The following LIMK2 variants were observed in gnomAD, a reference collection of about 807,000 sequenced individuals.
The protein encoded by LIMK2 is LIM domain kinase 2.
In LIMK2, 35 loss-of-function variants were observed where a neutral mutation model predicts 75.7. The observed-to-expected ratio is 0.46, with a 90% CI of 0.35 to 0.61. LIMK2 has a LOEUF of 0.61. Ranked by LOEUF, LIMK2 falls within the 20% of genes least tolerant of loss-of-function variation. LIMK2 has a pLI of 0.00. For missense variants in LIMK2, 623 were observed against 831.0 expected (o/e 0.75, Z 3.08); for synonymous variants, 301 against 319.2 (o/e 0.94, Z 0.61).
chr22:31,275,701 G>A (rs1386041366), intron 15 of LIMK2: 1 of 167,074 alleles, frequency 6.0e-6, no homozygotes. Flanking sequence ...CAGTCTTCCT[G>A]TTTATCATTT....
chr22:31,258,269 C>T, intron 2 of LIMK2, 22 bp from the exon 3 acceptor site: 1 of 1,577,016 alleles, frequency 6.3e-7, no homozygotes, highest in Middle Eastern at 1.9e-4. Flanking sequence ...AGGAGAATTT[C>T]AGTTCTTGTC....
chr22:31,226,241 T>G (rs1356204351), intron 2 of LIMK2, among the ~76,000 whole-genome samples: 1 of 150,038 alleles, frequency 6.7e-6, no homozygotes, highest in East Asian at 1.9e-4. Context: ...TTCTTGCTGT[T>G]GCCCAGGCTG....
rs1476996928 is a variant in LIMK2 at position 31,262,838 on chromosome 22, G to A, written c.854+47G>A. The A allele has an allele frequency of 3.5e-6, 5 of 1,446,760 alleles. No individual in the cohort carries two copies. The highest frequency in any genetic ancestry group is 1.4e-5 in the South Asian group (1 of 72,292). 89.6% of individuals were successfully genotyped at this position (1,446,760 alleles called of 1,614,324 possible). On this transcript the variant is annotated intron_variant, in intron 7 of 15. Coordinates refer to ENST00000331728, the MANE Select transcript of LIMK2 (RefSeq NM_005569.4). The surrounding 1 kb of genome is among the most constrained non-coding windows in gnomAD (Gnocchi z 5.0). ...CTGTTCTGTCCTATGTCTGTCTCTC[G>A]GATGAAGCTGAGCTGGCTTTCAGAA...
At chr22:31,266,472 G>C (rs371943669) in intron 8 of LIMK2, among the ~76,000 whole-genome samples, 1 of 152,116 alleles carries the variant, frequency 6.6e-6, no homozygotes, top group Non-Finnish European at 1.5e-5. Flanking sequence ...CTGCCTCCCT[G>C]GTGAACAGTC....
At chr22:31,220,081 A>G (rs2048421305) in intron 1 of LIMK2, among the ~76,000 whole-genome samples, 1 of 152,154 alleles carries the variant, frequency 6.6e-6, no homozygotes, top group Admixed American at 6.5e-5. Flanking sequence ...CATTTCTTTT[A>G]CATTTCCTAG....
intron 2 of LIMK2, among the ~76,000 whole-genome samples, chr22:31,240,618 T>C (rs2048616708): frequency 6.6e-6 from 1 of 152,056 alleles, no homozygotes; most frequent in Non-Finnish European, 1.5e-5. Context: ...GAGACGGGGT[T>C]TCACCGTGTT....
At chr22:31,232,438 C>T (rs949131827) in intron 2 of LIMK2, among the ~76,000 whole-genome samples, 5 of 152,118 alleles carry the variant, frequency 3.3e-5, no homozygotes, top group Admixed American at 6.5e-5. Context: ...ACTCTGAAAA[C>T]ATTAGAATGG....
intron 4 of LIMK2, 64 bp downstream of exon 4, chr22:31,259,294 G>A: frequency 9.8e-7 from 1 of 1,016,302 alleles, no homozygotes; most frequent in Non-Finnish European, 1.5e-6. Context: ...AGGGACAGTG[G>A]CAGGGTGAGT....
chr22:31,269,182 T>C (rs2048929309), intron 11 of LIMK2, among the ~76,000 whole-genome samples: 1 of 151,996 alleles, frequency 6.6e-6, no homozygotes, highest in Admixed American at 6.6e-5. Context: ...CATGGCTCAC[T>C]ACAGCTTCGA....
chr22:31,212,375 G>T lies in LIMK2; in HGVS notation c.-34G>T. On this transcript the variant is annotated 5_prime_UTR_variant, in exon 1 of 16. Transcript: ENST00000331728. ...ACTGAGGGGAGCTGCTGTGTCCCCC[G>T]CCTCCTCCTCCCCATTTCCGCGCTC... The T allele has an allele frequency of 7.5e-7, 1 of 1,334,556 alleles. No individual in the cohort carries two copies. The highest frequency in any genetic ancestry group is 1.5e-5 in the African/African-American group (1 of 66,792). 82.7% of individuals were successfully genotyped at this position (1,334,556 alleles called of 1,614,324 possible). A position where few individuals can be genotyped will look rare whatever the true frequency, so the allele number is the denominator to read the frequency against.
At chr22:31,268,003 G>C in intron 10 of LIMK2, 96 bp downstream of exon 10, 10 of 1,548,552 alleles carry the variant, frequency 6.5e-6, no homozygotes, top group Non-Finnish European at 8.0e-6. Flanking sequence ...GAGGGGCCCT[G>C]CTTTGCCTCC....
intron 15 of LIMK2, 41 bp from the exon 16 acceptor site, chr22:31,278,256 T>A: frequency 6.3e-7 from 1 of 1,577,310 alleles, no homozygotes; most frequent in Non-Finnish European, 8.6e-7. Flanking sequence ...ATGGCCCTGC[T>A]CATGTTCCAC....
intron 1 of LIMK2, among the ~76,000 whole-genome samples, chr22:31,214,602 T>A (rs1326945576): frequency 6.6e-6 from 1 of 151,918 alleles, no homozygotes; most frequent in Non-Finnish European, 1.5e-5. Flanking sequence ...CCTCTACTTT[T>A]TTTTTTTTTG....
At chr22:31,215,345 G>A (rs1031128471) in intron 1 of LIMK2, among the ~76,000 whole-genome samples, 2 of 152,196 alleles carry the variant, frequency 1.3e-5, no homozygotes, top group African/African-American at 2.4e-5. Context: ...CCGGAGAATC[G>A]ATAACAAATC....
chr22:31,223,285 T>C (rs2048452126), intron 1 of LIMK2, among the ~76,000 whole-genome samples: 1 of 152,146 alleles, frequency 6.6e-6, no homozygotes, highest in South Asian at 2.1e-4. Context: ...TTCTCAAGAC[T>C]GGAGAAAGCA....
intron 2 of LIMK2, 52 bp downstream of exon 2, chr22:31,225,871 A>C (rs1221664444): frequency 9.3e-6 from 12 of 1,291,620 alleles, no homozygotes; most frequent in Non-Finnish European, 1.3e-5. Flanking sequence ...GCCAAGCACT[A>C]TTTCATGTTC....
chr22:31,223,843 G>T (rs1390249371), intron 1 of LIMK2, among the ~76,000 whole-genome samples: 1 of 152,232 alleles, frequency 6.6e-6, no homozygotes, highest in Non-Finnish European at 1.5e-5. Flanking sequence ...TGAGGCATGA[G>T]AAGAGTGGAA....
Position 31,275,199 on chromosome 22 carries a change from G to A in LIMK2, c.1663G>A (p.Asp555Asn). Residue 555 changes from aspartate (D) to asparagine (N), a missense_variant, in exon 15 of 16, where the codon GAC (aspartate) becomes AAC (asparagine). Asp to Asn is a conservative substitution (Grantham distance 23). Transcript: ENST00000331728. ...ADPDCLPRTL[D>N]FGLNVKLFWE... ...TCCTGACTGCCTTCCCCGAACACTG[G>A]ACTTTGGCCTCAACGTGAAGCTTTT... 1 of 1,614,184 alleles carries A rather than the reference G, an allele frequency of 6.2e-7. No individual in the cohort carries two copies. The highest frequency in any genetic ancestry group is 1.3e-5 in the African/African-American group (1 of 75,046).
intron 2 of LIMK2, among the ~76,000 whole-genome samples, chr22:31,257,015 T>C (rs1460694193): frequency 3.4e-5 from 5 of 146,608 alleles, no homozygotes; most frequent in African/African-American, 1.2e-4. Flanking sequence ...CATAGCCAGG[T>C]CATTAGGGGA....
Sources: allele counts gnomAD v4.1 joint callset (sites outside exome capture counted in the v4.1 genomes callset), GRCh38; gene constraint gnomAD v4.1.1; non-coding constraint Gnocchi (gnomAD v3.1); transcripts MANE v1.5; gene names NCBI Gene and HGNC (gene_info 2026-07-23, HGNC 2026-07-21).